FAM149B1: variants seen among roughly 807,000 people sequenced by gnomAD.
FAM149B1 encodes the protein family with sequence similarity 149 member B1.
Under a neutral mutation model 75.3 loss-of-function variants are expected in FAM149B1, and 56 were observed. The ratio of observed to expected loss-of-function variants is 0.74; its 90% CI spans 0.60 to 0.93. The LOEUF (loss-of-function observed/expected upper bound fraction) is 0.93. Among genes scored for constraint, FAM149B1 ranks in the 40% least tolerant of loss-of-function variants. The pLI is 0.00. For synonymous variants in FAM149B1, 259 were observed against 256.1 expected, an observed-to-expected ratio of 1.01 and a Z score of -0.11; for missense variants, 639 against 708.4, an observed-to-expected ratio of 0.90 and a Z score of 1.11.
intron 3 of FAM149B1, among the ~76,000 whole-genome samples, chr10:73,187,302 ACT>A (rs747509646): frequency 3.6e-4 from 55 of 150,956 alleles, no homozygotes; most frequent in South Asian, 8.3e-4. Context: ...ATATCAGTGC[ACT>A]CTCTATCAAA....
chr10:73,216,198 CT>C (rs1168501662), intron 7 of FAM149B1, among the ~76,000 whole-genome samples: 54 of 152,272 alleles, frequency 3.5e-4, no homozygotes, highest in Non-Finnish European at 1.6e-4. Context: ...TCTGTTTCAT[CT>C]GCTATAAGTG....
chr10:73,222,118 A>G (rs1203368464), intron 7 of FAM149B1, among the ~76,000 whole-genome samples: 1 of 152,186 alleles, frequency 6.6e-6, no homozygotes, highest in Admixed American at 6.5e-5. Context: ...ATCTTTGATT[A>G]GATTTCATAC....
At chr10:73,200,506 T>C (rs1029644828) in intron 5 of FAM149B1, 3 of 655,088 alleles carry the variant, frequency 4.6e-6, no homozygotes, top group Non-Finnish European at 8.2e-6. Context: ...GTGTGATATG[T>C]TAAACAGAAG....
chr10:73,235,870 C>T (rs1205214644), intron 12 of FAM149B1, among the ~76,000 whole-genome samples: 2 of 152,188 alleles, frequency 1.3e-5, no homozygotes, highest in African/African-American at 4.8e-5. Context: ...TAAATGCTGA[C>T]ACTGCCTACC....
chr10:73,169,943 C>T (rs1490315152), intron 1 of FAM149B1, among the ~76,000 whole-genome samples: 1 of 112,616 alleles, frequency 8.9e-6, no homozygotes, highest in Non-Finnish European at 1.7e-5. Context: ...ATTTTAGCAA[C>T]CATAAATTTA....
intron 3 of FAM149B1, among the ~76,000 whole-genome samples, chr10:73,182,495 C>T (rs141114146): frequency 1.6e-4 from 24 of 152,248 alleles, no homozygotes; most frequent in Non-Finnish European, 2.6e-4. Context: ...TACAGGCATG[C>T]GCCACTGCAC....
chr10:73,200,820 C>A, intron 5 of FAM149B1: 1 of 503,088 alleles, frequency 2.0e-6, no homozygotes, highest in Non-Finnish European at 4.0e-6. Flanking sequence ...TACAAGGCAC[C>A]ATTAAACAGG....
intron 7 of FAM149B1, among the ~76,000 whole-genome samples, chr10:73,218,779 A>G (rs1347796617): frequency 6.6e-6 from 1 of 152,160 alleles, no homozygotes; most frequent in Non-Finnish European, 1.5e-5. Flanking sequence ...AGCATCTTTC[A>G]TCCTCTAGAG....
chr10:73,175,969 T>C (rs1843946877), intron 2 of FAM149B1, among the ~76,000 whole-genome samples: 1 of 152,088 alleles, frequency 6.6e-6, no homozygotes. Flanking sequence ...TGAGGGATGG[T>C]TTCAGGATGA....
chr10:73,182,522 A>ACTT (rs2042423801), intron 3 of FAM149B1, among the ~76,000 whole-genome samples: 1 of 152,152 alleles, frequency 6.6e-6, no homozygotes, highest in Non-Finnish European at 1.5e-5. Context: ...TTGCTGCATG[A>ACTT]CTTTCTAGGT....
intron 12 of FAM149B1, among the ~76,000 whole-genome samples, chr10:73,238,609 T>C (rs1367238890): frequency 6.6e-6 from 1 of 152,228 alleles, no homozygotes; most frequent in African/African-American, 2.4e-5. Flanking sequence ...CAAAGCCTAA[T>C]ATAATAACTA....
Position 73,233,018 on chromosome 10 carries a change from G to T in FAM149B1, c.1207G>T (p.Glu403Ter), listed in dbSNP as rs369028725. Reference protein sequence around the residue: ...STRNWPNRAVEFSTSSLSYTV... With the variant: ...STRNWPNRAV ...TCGAAATTGGCCAAATCGAGCTGTG[G>T]AGTTTAGTACATCATCTCTGTCATA... Residue 403 changes from glutamate (E) to a stop codon, truncating the protein, a stop_gained, in exon 10 of 14, where the codon GAG becomes TAG. Transcript: ENST00000242505. LOFTEE classifies it high-confidence loss of function. 8 of 1,551,732 alleles carry T rather than the reference G, an allele frequency of 5.2e-6. No homozygotes were observed. The African/African-American group carries it at 1.1e-4, about 21-fold the overall frequency.
chr10:73,172,333 C>G (rs566565120), intron 1 of FAM149B1, among the ~76,000 whole-genome samples: 17 of 152,272 alleles, frequency 1.1e-4, no homozygotes, highest in African/African-American at 4.1e-4. Flanking sequence ...TTATATAGAA[C>G]AATGGTACAA....
intron 5 of FAM149B1, among the ~76,000 whole-genome samples, chr10:73,202,540 C>T (rs1440950789): frequency 6.6e-6 from 1 of 151,792 alleles, no homozygotes; most frequent in Non-Finnish European, 1.5e-5. Flanking sequence ...TCAAGGGATT[C>T]TCCTTCCTCA....
intron 3 of FAM149B1, 86 bp downstream of exon 3, chr10:73,178,061 C>A (rs2133305631): frequency 7.8e-7 from 1 of 1,280,948 alleles, no homozygotes; most frequent in South Asian, 1.6e-5. Flanking sequence ...TTCCTTCACT[C>A]TCCTGCATTG....
At chr10:73,178,445 C>G (rs1844066622) in intron 3 of FAM149B1, among the ~76,000 whole-genome samples, 1 of 151,572 alleles carries the variant, frequency 6.6e-6, no homozygotes, top group Non-Finnish European at 1.5e-5. Context: ...GAGCCGAGAT[C>G]ACGCCATTGC....
chr10:73,200,895 C>T (rs1453446942), intron 5 of FAM149B1: 7 of 484,604 alleles, frequency 1.4e-5, no homozygotes, highest in African/African-American at 4.0e-5. Context: ...ATGCCAGGGA[C>T]GTCACAGTTT....
intron 7 of FAM149B1, among the ~76,000 whole-genome samples, chr10:73,215,061 G>A (rs1813778955): frequency 6.6e-6 from 1 of 152,038 alleles, no homozygotes; most frequent in South Asian, 2.1e-4. Flanking sequence ...CACCCAGGCT[G>A]GAGTGCAGTG....
At chr10:73,172,982 G>A (rs1843781144) in intron 1 of FAM149B1, among the ~76,000 whole-genome samples, 2 of 151,900 alleles carry the variant, frequency 1.3e-5, no homozygotes, top group Admixed American at 1.3e-4. Context: ...AGCCAAGTGT[G>A]GTGGTGAGTA....
Sources: allele counts gnomAD v4.1 joint callset (sites outside exome capture counted in the v4.1 genomes callset), GRCh38; gene constraint gnomAD v4.1.1; transcripts MANE v1.5; gene names NCBI Gene and HGNC (gene_info 2026-07-23, HGNC 2026-07-21).